SBNO1: variants seen among roughly 807,000 people sequenced by gnomAD.
The protein encoded by SBNO1 is protein strawberry notch homolog 1.
Under a neutral mutation model 173.6 loss-of-function variants are expected in SBNO1, and 23 were observed. The observed-to-expected ratio is 0.13, with a 90% CI of 0.10 to 0.19. The LOEUF is 0.19. Among genes scored for constraint, SBNO1 ranks in the 10% least tolerant of loss-of-function variants. The pLI, the probability that SBNO1 is intolerant of heterozygous loss-of-function variation, is 1.00. For missense variants in SBNO1, 1,238 were observed against 1,671.2 expected (o/e 0.74, Z 4.52); for synonymous variants, 632 against 571.5 (o/e 1.11, Z -1.51).
intron 2 of SBNO1, 90 bp downstream of exon 2, chr12:123,350,220 C>A (rs1050710988): frequency 2.0e-6 from 3 of 1,470,410 alleles, no homozygotes; most frequent in Non-Finnish European, 2.8e-6. Flanking sequence ...CACCACTGCA[C>A]CCCAGCCTGG....
At chr12:123,318,995 A>G (rs982070027) in intron 20 of SBNO1, among the ~76,000 whole-genome samples, 11 of 145,454 alleles carry the variant, frequency 7.6e-5, no homozygotes, top group Admixed American at 3.5e-4. Flanking sequence ...AGACAGTCTC[A>G]CTCTGCTGCC....
chr12:123,311,264 A>C, intron 24 of SBNO1, 135 bp from the exon 25 acceptor site: 1 of 656,044 alleles, frequency 1.5e-6, no homozygotes, highest in Non-Finnish European at 2.7e-6. Flanking sequence ...AAACATGGAG[A>C]AAATGTGGAG....
Position 123,298,232 on chromosome 12 carries a change from A to G in SBNO1, c.3846-61T>C, listed in dbSNP as rs1053337939. On this transcript the variant is annotated intron_variant, in intron 30 of 31. Coordinates refer to ENST00000602398, the MANE Select transcript of SBNO1 (RefSeq NM_001167856.3). ...TATATATGCACACAGACACGTTTCT[A>G]AAAGATTTACAAGGTCAACTCAAAT... The G allele has an allele frequency of 4.8e-6, 7 of 1,469,970 alleles. No individual in the cohort carries two copies. The East Asian group carries it at 9.4e-5, about 20-fold the overall frequency. 91.1% of individuals were successfully genotyped at this position (1,469,970 alleles called of 1,614,324 possible).
intron 5 of SBNO1, among the ~76,000 whole-genome samples, chr12:123,336,843 GGAGA>G (rs566222886): frequency 5.5e-4 from 84 of 152,260 alleles, no homozygotes; most frequent in Non-Finnish European, 8.5e-4. Context: ...TCTAGTTCCA[GGAGA>G]AAGAGCAAGC....
At chr12:123,355,373 G>C (rs987816105) in intron 1 of SBNO1, among the ~76,000 whole-genome samples, 1 of 151,960 alleles carries the variant, frequency 6.6e-6, no homozygotes, top group African/African-American at 2.4e-5. Context: ...AAAAACGCTG[G>C]GCACGGTGGC....
intron 6 of SBNO1, 30 bp downstream of exon 6, chr12:123,336,365 G>A: frequency 1.5e-6 from 2 of 1,318,324 alleles, no homozygotes; most frequent in Non-Finnish European, 2.2e-6. Flanking sequence ...AAACTTTGAT[G>A]TAAATATCTG....
In SBNO1 at chr12:123,330,414, C is replaced by A; in HGVS notation, c.1134+5G>T. The A allele has an allele frequency of 1.4e-6, 2 of 1,476,274 alleles. No homozygotes were observed. The highest frequency in any genetic ancestry group is 1.9e-6 in the Non-Finnish European group (2 of 1,062,292). 91.4% of individuals were successfully genotyped at this position (1,476,274 alleles called of 1,614,324 possible). A position where few individuals can be genotyped will look rare whatever the true frequency, so the allele number is the denominator to read the frequency against. The stretch of plus-strand genomic sequence containing the variant: ...AATGACCAACTGAATAAAAAGATTT[C>A]ATACCTTATTTAACGAATGAACCAA... On this transcript the variant is annotated splice_donor_5th_base_variant and intron_variant, in intron 9 of 31. Transcript: ENST00000602398.
intron 30 of SBNO1, among the ~76,000 whole-genome samples, chr12:123,299,681 C>CAAAAAAAAAAAAAAAAAA (rs538218167): frequency 1.6e-4 from 15 of 93,888 alleles, no homozygotes; most frequent in East Asian, 3.9e-4. Flanking sequence ...ACTCTGTCTT[C>CAAAAAAAAAAAAAAAAAA]AAAAAAAAAA....
At chr12:123,308,101 C>T (rs2048965660) in intron 28 of SBNO1, among the ~76,000 whole-genome samples, 1 of 151,884 alleles carries the variant, frequency 6.6e-6, no homozygotes, top group Non-Finnish European at 1.5e-5. Flanking sequence ...CAACACAACC[C>T]CAAATATCTT....
rs2048521360 is a variant in SBNO1, at chr12:123,292,129, T to G, written c.*3779A>C. The G allele has an allele frequency of 6.6e-6, 1 of 152,124 alleles. No homozygotes were observed. Among genetic ancestry groups the G allele is most frequent in the African/African-American group, 2.4e-5 (1 of 41,510 alleles). 9.4% of individuals were successfully genotyped at this position (152,124 alleles called of 1,614,324 possible). On this transcript the variant is annotated 3_prime_UTR_variant, in exon 32 of 32. Coordinates refer to ENST00000602398, the MANE Select transcript of SBNO1 (RefSeq NM_001167856.3). ...GAGCGCAGTACGCACAGGTGTGGTG[T>G]TAGCCAGGGAGACCGAAGCCACACA...
intron 4 of SBNO1, among the ~76,000 whole-genome samples, chr12:123,343,205 C>T (rs1244781949): frequency 6.6e-6 from 1 of 152,038 alleles, no homozygotes; most frequent in African/African-American, 2.4e-5. Flanking sequence ...TGCACTCCAG[C>T]CTGGGCGATG....
intron 15 of SBNO1, 70 bp downstream of exon 15, chr12:123,325,432 G>T: frequency 9.5e-7 from 1 of 1,053,020 alleles, no homozygotes; most frequent in Non-Finnish European, 1.4e-6. Context: ...TCCAGGAAAT[G>T]CCCACATTGG....
At chr12:123,359,945 T>C (rs1874936136) in intron 1 of SBNO1, among the ~76,000 whole-genome samples, 1 of 152,138 alleles carries the variant, frequency 6.6e-6, no homozygotes, top group Non-Finnish European at 1.5e-5. Context: ...TAATTACTCT[T>C]AAAAATTATC....
chr12:123,337,228 C>T (rs1466526391), intron 5 of SBNO1, among the ~76,000 whole-genome samples: 1 of 152,162 alleles, frequency 6.6e-6, no homozygotes, highest in African/African-American at 2.4e-5. Context: ...CCTCGGCAAA[C>T]CAAGTGAATG....
Position 123,289,630 on chromosome 12 carries a change from G to A in SBNO1, c.*6278C>T, listed in dbSNP as rs564699417. On this transcript the variant is annotated 3_prime_UTR_variant, in exon 32 of 32. Transcript: ENST00000602398. The stretch of plus-strand genomic sequence containing the variant: ...TCAGAGGAGGTAGAACCTGGCCAAA[G>A]TTTTATTGCAGAGATACAGTGTACC... 1 of 152,326 alleles carries A rather than the reference G, an allele frequency of 6.6e-6. No individual in the cohort carries two copies. The highest frequency in any genetic ancestry group is 2.1e-4 in the South Asian group (1 of 4,828). 9.4% of individuals were successfully genotyped at this position (152,326 alleles called of 1,614,324 possible).
chr12:123,300,273 T>C (rs980771444), intron 30 of SBNO1, among the ~76,000 whole-genome samples: 1 of 152,072 alleles, frequency 6.6e-6, no homozygotes, highest in African/African-American at 2.4e-5. Flanking sequence ...GTTGAGGAGG[T>C]TGGTCTCAAA....
At chr12:123,299,694 A>C (rs976608386) in intron 30 of SBNO1, among the ~76,000 whole-genome samples, 14 of 150,714 alleles carry the variant, frequency 9.3e-5, no homozygotes, top group African/African-American at 9.7e-5. Context: ...AAAAAAAAAA[A>C]AAAAACAAAA....
At chr12:123,345,223 A>T in intron 4 of SBNO1, 35 bp downstream of exon 4, 1 of 1,543,344 alleles carries the variant, frequency 6.5e-7, no homozygotes, top group Non-Finnish European at 8.9e-7. Flanking sequence ...AGCTTACCAG[A>T]GAGAGAAAGT....
rs941360439 is a variant in SBNO1, at chr12:123,304,602, G to C, written c.3748C>G (p.Leu1250Val). 3.9e-6 allele frequency: 6 copies of C among 1,556,080 alleles called. No homozygotes were observed. Among genetic ancestry groups the C allele is most frequent in the Non-Finnish European group, 5.3e-6 (6 of 1,129,030 alleles). Residue 1250 changes from leucine to valine, a missense_variant, in exon 29 of 32, where the codon CTA becomes GTA. This residue lies in a region of SBNO1 where 351 missense variants were observed against 420.3 expected (regional missense o/e 0.84). Transcript: ENST00000602398. ...AATACCTTCTTATATTTCTTTTTTAGATCAGCATAAATTTCTAATTTGAGC... is the reference window on the plus strand; with the variant it reads ...AATACCTTCTTATATTTCTTTTTTACATCAGCATAAATTTCTAATTTGAGC... ...KQLKLEIYADLKKKYKKVVSD... is the reference protein window; with the variant it reads ...KQLKLEIYADVKKKYKKVVSD...
Sources: gnomAD v4.1 joint callset for allele counts (sites outside exome capture counted in the v4.1 genomes callset) on GRCh38, gnomAD v4.1.1 for gene constraint, gnomAD v4.1.1 regional missense constraint, MANE v1.5 for transcripts, NCBI Gene and HGNC (gene_info 2026-07-23, HGNC 2026-07-21) for gene names.